The following ARHGAP6 variants were observed in gnomAD, a reference collection of about 807,000 sequenced individuals.
The protein encoded by ARHGAP6 is Rho GTPase activating protein 6.
A neutral mutation model predicts 55.7 loss-of-function variants in ARHGAP6; 16 were observed. The observed-to-expected ratio is 0.29, with a 90% CI of 0.19 to 0.44. ARHGAP6 has a LOEUF of 0.44. ARHGAP6 is among the 20% of genes least tolerant of loss of function. ARHGAP6 has a pLI of 1.00. For missense variants in ARHGAP6, 698 were observed against 808.9 expected, an observed-to-expected ratio of 0.86 and a Z score of 1.66; for synonymous variants, 382 against 360.9, an observed-to-expected ratio of 1.06 and a Z score of -0.66.
At chrX:11,204,441 A>G (rs1481229605) in intron 2 of ARHGAP6, among the ~76,000 whole-genome samples, 4 of 111,983 alleles carry the variant, frequency 3.6e-5, no homozygotes, top group Non-Finnish European at 7.5e-5. Context: ...AGACGATAAC[A>G]TAATGACTGT....
chrX:11,260,232 C>G (rs779823132), intron 1 of ARHGAP6, among the ~76,000 whole-genome samples: 2 of 111,404 alleles, frequency 1.8e-5, no homozygotes, highest in African/African-American at 6.5e-5. Context: ...TGATTTTAGC[C>G]CAGTGAGGCC....
At chrX:11,184,154 G>A (rs776974413) in intron 5 of ARHGAP6, among the ~76,000 whole-genome samples, 20 of 112,404 alleles carry the variant, frequency 1.8e-4, no homozygotes, top group Admixed American at 1.6e-3. Context: ...GTTGTTATTT[G>A]GGGGAGGTCA....
intron 1 of ARHGAP6, among the ~76,000 whole-genome samples, chrX:11,506,756 G>A (rs948509852): frequency 9.0e-6 from 1 of 111,527 alleles, no homozygotes; most frequent in Non-Finnish European, 1.9e-5. Context: ...TATATACCCA[G>A]TAATGGGATG....
intron 1 of ARHGAP6, among the ~76,000 whole-genome samples, chrX:11,450,203 AGTGTGTGTGTGTGT>A (rs34050296): frequency 1.3e-4 from 12 of 90,166 alleles, no homozygotes; most frequent in Non-Finnish European, 2.0e-4. Context: ...ACAAATAATA[AGTGTGTGTGTGTGT>A]GTGTGTGTGT....
chrX:11,283,656 T>C (rs1223991318), intron 1 of ARHGAP6, among the ~76,000 whole-genome samples: 1 of 111,666 alleles, frequency 9.0e-6, no homozygotes, highest in Non-Finnish European at 1.9e-5. Context: ...AGGAGCAACT[T>C]AAATGTGGAA....
intron 1 of ARHGAP6, among the ~76,000 whole-genome samples, chrX:11,432,895 G>T (rs895111551): frequency 1.8e-5 from 2 of 112,323 alleles, no homozygotes; most frequent in Non-Finnish European, 3.8e-5. Flanking sequence ...AGCAAAGTGG[G>T]GGTAAAATCT....
intron 4 of ARHGAP6, 59 bp downstream of exon 4, chrX:11,188,666 GAAT>G (rs913344958): frequency 3.5e-5 from 41 of 1,156,522 alleles, no homozygotes; most frequent in Non-Finnish European, 4.6e-5. Flanking sequence ...AAAACGCAAA[GAAT>G]AACTGTACAT....
chrX:11,207,670 C>T (rs777011518), intron 2 of ARHGAP6, among the ~76,000 whole-genome samples: 1 of 112,018 alleles, frequency 8.9e-6, no homozygotes, highest in African/African-American at 3.2e-5. Context: ...TTTTGTTTTG[C>T]TTTTTACCTG....
At chrX:11,230,874 A>G (rs1420027042) in intron 2 of ARHGAP6, among the ~76,000 whole-genome samples, 2 of 110,383 alleles carry the variant, frequency 1.8e-5, no homozygotes, top group African/African-American at 3.3e-5. Flanking sequence ...AGCATTCCCC[A>G]CTATCCATGT....
At chrX:11,171,397 C>CA (rs200156085) in intron 8 of ARHGAP6, among the ~76,000 whole-genome samples, 17,699 of 97,046 alleles carry the variant, frequency 0.18, 1,258 homozygotes, top group Middle Eastern at 0.31. Flanking sequence ...CTTTCCACTA[C>CA]AAAAAAAAAA....
chrX:11,191,701 G>A (rs2046464340), intron 3 of ARHGAP6, among the ~76,000 whole-genome samples: 1 of 111,051 alleles, frequency 9.0e-6, no homozygotes, highest in South Asian at 3.8e-4. Flanking sequence ...CGTCTAGCTG[G>A]TACCTCCATT....
At chrX:11,199,266 T>C (rs1762480466) in intron 2 of ARHGAP6, among the ~76,000 whole-genome samples, 1 of 112,255 alleles carries the variant, frequency 8.9e-6, no homozygotes, top group Admixed American at 9.5e-5. Flanking sequence ...CATGTCTTCT[T>C]ATGAGCGTGT....
At chrX:11,358,240 T>C (rs1603123208) in intron 1 of ARHGAP6, among the ~76,000 whole-genome samples, 1 of 112,218 alleles carries the variant, frequency 8.9e-6, no homozygotes, top group African/African-American at 3.2e-5. Context: ...TATATTCTTC[T>C]GTATTGATAT....
intron 1 of ARHGAP6, among the ~76,000 whole-genome samples, chrX:11,591,333 C>G (rs10482315): frequency 1.8e-5 from 2 of 108,573 alleles, no homozygotes; most frequent in Admixed American, 1.9e-4. Flanking sequence ...TTTTTAACAA[C>G]AGCCTTAAAT....
chrX:11,328,476 A>G (rs926822271), intron 1 of ARHGAP6, among the ~76,000 whole-genome samples: 2 of 112,371 alleles, frequency 1.8e-5, no homozygotes, highest in Admixed American at 9.4e-5. Context: ...ATTTTTGTGA[A>G]GTTGACAAAG....
At chrX:11,266,531 A>C in intron 1 of ARHGAP6, among the ~76,000 whole-genome samples, 1 of 111,145 alleles carries the variant, frequency 9.0e-6, no homozygotes, top group Middle Eastern at 4.6e-3. Flanking sequence ...TCATTTCCTG[A>C]ACAGAGGGTG....
chrX:11,376,260 A>T (rs1300472180), intron 1 of ARHGAP6, among the ~76,000 whole-genome samples: 1 of 112,539 alleles, frequency 8.9e-6, no homozygotes, highest in Non-Finnish European at 1.9e-5. Context: ...TGGTAATAGG[A>T]ACACTGCAGA....
At chrX:11,335,557 T>C in intron 1 of ARHGAP6, 1 of 159,354 alleles carries the variant, frequency 6.3e-6, no homozygotes, top group Non-Finnish European at 1.2e-5. Flanking sequence ...GAACTCACCC[T>C]TTTTTATGGC....
At chrX:11,157,598 C>A (rs753073507) in intron 9 of ARHGAP6, among the ~76,000 whole-genome samples, 1 of 112,172 alleles carries the variant, frequency 8.9e-6, no homozygotes, top group Non-Finnish European at 1.9e-5. Flanking sequence ...ATAGCTCAAC[C>A]AAAGGAAACT....
Sources: gnomAD v4.1 joint callset for allele counts (sites outside exome capture counted in the v4.1 genomes callset) on GRCh38, gnomAD v4.1.1 for gene constraint, MANE v1.5 for transcripts, NCBI Gene and HGNC (gene_info 2026-07-23, HGNC 2026-07-21) for gene names.